The following ANKRD30A variants were observed in gnomAD, a reference collection of about 807,000 sequenced individuals.
The protein encoded by ANKRD30A is ankyrin repeat domain-containing protein 30A.
Under a neutral mutation model 166.3 loss-of-function variants are expected in ANKRD30A, and 170 were observed. The ratio of observed to expected loss-of-function variants is 1.02; its 90% CI spans 0.90 to 1.16. ANKRD30A has a LOEUF of 1.16. ANKRD30A is among the 50% of genes most tolerant of loss of function. The pLI is 0.00. For synonymous variants in ANKRD30A, 564 were observed against 508.9 expected (o/e 1.11, Z -1.46); for missense variants, 1,630 against 1,518.0 (o/e 1.07, Z -1.23).
chr10:37,171,536 AC>A (rs1239876703), intron 21 of ANKRD30A, among the ~76,000 whole-genome samples: 1 of 151,650 alleles, frequency 6.6e-6, no homozygotes, highest in African/African-American at 2.4e-5. Context: ...AATAGGAAAA[AC>A]ATTATGGCCC....
chr10:37,248,438 A>T, the ANKRD30A span, among the ~76,000 whole-genome samples: 1 of 152,186 alleles, frequency 6.6e-6, no homozygotes, highest in African/African-American at 2.4e-5. Context: ...AGTTCACGCC[A>T]CATGGGGTAT....
intron 27 of ANKRD30A, 122 bp from the exon 28 acceptor site, chr10:37,197,159 A>G: frequency 1.4e-6 from 2 of 1,385,272 alleles, no homozygotes. Flanking sequence ...AACTTTCCAA[A>G]TCTAAAGTAT....
the ANKRD30A span, among the ~76,000 whole-genome samples, chr10:37,252,369 A>G: frequency 1.3e-5 from 2 of 152,216 alleles, no homozygotes; most frequent in Non-Finnish European, 1.5e-5. Flanking sequence ...TCCCACTTTT[A>G]AAATAAATAA....
chr10:37,155,782 A>G (rs577243286), intron 13 of ANKRD30A, among the ~76,000 whole-genome samples: 1 of 152,170 alleles, frequency 6.6e-6, no homozygotes, highest in East Asian at 1.9e-4. Context: ...CTTGTTTTTC[A>G]TTTATTTTAA....
In ANKRD30A at chr10:37,231,569, A is replaced by C; in HGVS notation, c.*100A>C. On this transcript the variant is annotated 3_prime_UTR_variant, in exon 35 of 36. Transcript: ENST00000361713. ...AGTCCTAGCATCACCTTATGTTGAAAATCTTACCAATAGTCTGTGTCAACA... is the reference window on the plus strand; with the variant it reads ...AGTCCTAGCATCACCTTATGTTGAACATCTTACCAATAGTCTGTGTCAACA... 1 of 918,162 alleles carries C rather than the reference A, an allele frequency of 1.1e-6. No homozygotes were observed. The highest frequency in any genetic ancestry group is 1.6e-6 in the Non-Finnish European group (1 of 623,250). 56.9% of individuals were successfully genotyped at this position (918,162 alleles called of 1,614,324 possible).
At chr10:37,203,251 A>T (rs971002338) in intron 31 of ANKRD30A, among the ~76,000 whole-genome samples, 1 of 152,196 alleles carries the variant, frequency 6.6e-6, no homozygotes, top group Non-Finnish European at 1.5e-5. Context: ...ATACTGGCAA[A>T]CCGAATCCAG....
chr10:37,194,441 C>T (rs1215106721), intron 27 of ANKRD30A, among the ~76,000 whole-genome samples: 2 of 149,166 alleles, frequency 1.3e-5, no homozygotes, highest in East Asian at 4.1e-4. Context: ...CCCGGGTTCA[C>T]GCCATTCTCC....
chr10:37,236,461 C>T (rs1174952885), downstream of ANKRD30A, among the ~76,000 whole-genome samples: 1 of 152,194 alleles, frequency 6.6e-6, no homozygotes, highest in Non-Finnish European at 1.5e-5. Context: ...AACGCAAACT[C>T]ATGTCACTGT....
intron 7 of ANKRD30A, 79 bp downstream of exon 7, chr10:37,142,369 T>C: frequency 7.5e-7 from 1 of 1,335,852 alleles, no homozygotes; most frequent in Admixed American, 2.4e-5. Flanking sequence ...ATGGGAGTAG[T>C]TGGGAATGAC....
chr10:37,167,523 A>G (rs1839452593), intron 19 of ANKRD30A, among the ~76,000 whole-genome samples: 1 of 151,734 alleles, frequency 6.6e-6, no homozygotes, highest in South Asian at 2.1e-4. Flanking sequence ...TGTTATTCGT[A>G]GGTATTTTAC....
At chr10:37,179,748 G>A (rs1413926615) in intron 24 of ANKRD30A, among the ~76,000 whole-genome samples, 2 of 131,204 alleles carry the variant, frequency 1.5e-5, no homozygotes, top group Admixed American at 7.6e-5. Context: ...AAGACACATG[G>A]TGTAGCATTC....
intron 31 of ANKRD30A, among the ~76,000 whole-genome samples, chr10:37,204,121 A>G (rs917076788): frequency 7.2e-5 from 11 of 152,200 alleles, no homozygotes; most frequent in Admixed American, 5.9e-4. Flanking sequence ...CTTTCTTCAC[A>G]GAATTGGAAA....
intron 6 of ANKRD30A, among the ~76,000 whole-genome samples, chr10:37,140,905 A>G (rs187431717): frequency 6.6e-6 from 1 of 152,286 alleles, no homozygotes; most frequent in East Asian, 1.9e-4. Context: ...TGGGTCTTTA[A>G]GGTGCTCATA....
At chr10:37,234,477 G>T (rs1452390574), downstream of ANKRD30A, among the ~76,000 whole-genome samples, 1 of 152,032 alleles carries the variant, frequency 6.6e-6, no homozygotes, top group Non-Finnish European at 1.5e-5. Flanking sequence ...AGGTTTGAAA[G>T]TTATATAGTA....
chr10:37,247,279 G>A, the ANKRD30A span, among the ~76,000 whole-genome samples: 1 of 152,152 alleles, frequency 6.6e-6, no homozygotes, highest in Non-Finnish European at 1.5e-5. Context: ...TCCTGGCTCA[G>A]GTAACGGTGG....
downstream of ANKRD30A, chr10:37,232,697 T>TATATATAGAGAGAGAGAGAG (rs1273812991): frequency 5.1e-5 from 4 of 78,400 alleles, no homozygotes; most frequent in African/African-American, 1.5e-4. Flanking sequence ...TATATATAAA[T>TATATATAGAGAGAGAGAGAG]AGAGAGAGAG....
intron 25 of ANKRD30A, among the ~76,000 whole-genome samples, chr10:37,190,399 A>T (rs1840447287): frequency 6.6e-6 from 1 of 151,816 alleles, no homozygotes; most frequent in East Asian, 1.9e-4. Context: ...AGAAAGCATC[A>T]TGGTGCTCTT....
At position 37,158,523 on chromosome 10, in the gene ANKRD30A, G is replaced by T; in HGVS notation, c.1837G>T (p.Gly613Ter). 6.2e-7 allele frequency: 1 copy of T among 1,613,232 alleles called. No individual in the cohort carries two copies. The highest frequency in any genetic ancestry group is 8.5e-7 in the Non-Finnish European group (1 of 1,179,584). ...NKDGLLKATC[G>*]MKVSIPTKAL... Reference sequence around the variant, plus strand: ...TTCCAAACCCATTTAGGCTACCTGCGGAATGAAAGTTTCTATTCCAACTAA... The same window carrying T: ...TTCCAAACCCATTTAGGCTACCTGCTGAATGAAAGTTTCTATTCCAACTAA... The change falls in exon 15 of 36, where the codon GGA (glycine) becomes TGA (stop). Residue 613 changes from glycine (G) to a stop codon, truncating the protein, a stop_gained. Transcript: ENST00000361713. LOFTEE classifies it high-confidence loss of function.
the ANKRD30A span, chr10:37,264,735 T>C: frequency 6.0e-6 from 1 of 165,510 alleles, no homozygotes; most frequent in Non-Finnish European, 1.3e-5. Flanking sequence ...ACAACTGTAT[T>C]GAGGTTTGAT....
Sources: allele counts gnomAD v4.1 joint callset (sites outside exome capture counted in the v4.1 genomes callset), GRCh38; gene constraint gnomAD v4.1.1; transcripts MANE v1.5; gene names NCBI Gene and HGNC (gene_info 2026-07-23, HGNC 2026-07-21).